The following KDM4B variants were observed in gnomAD, a reference collection of about 807,000 sequenced individuals.
KDM4B encodes lysine-specific demethylase 4B.
In KDM4B, 32 loss-of-function variants were observed where a neutral mutation model predicts 125.2. The ratio of observed to expected loss-of-function variants is 0.26; its 90% CI spans 0.19 to 0.34. The LOEUF (loss-of-function observed/expected upper bound fraction) is 0.34, where lower values mean the gene tolerates loss of function less well. KDM4B is among the 10% of genes least tolerant of loss of function. The probability of loss-of-function intolerance (pLI) is 1.00; values close to 1 mark genes in which losing one functional copy is unlikely to be tolerated. For missense variants in KDM4B, 1,190 were observed against 1,577.7 expected (o/e 0.75, Z 4.16); for synonymous variants, 721 against 677.9 (o/e 1.06, Z -0.99).
chr19:5,127,170 C>G (rs1039345349), intron 11 of KDM4B, among the ~76,000 whole-genome samples: 1 of 152,174 alleles, frequency 6.6e-6, no homozygotes. Context: ...CATCCTGGGC[C>G]CCATCTGTAC....
chr19:5,148,933 C>T (rs2039898005), intron 21 of KDM4B, among the ~76,000 whole-genome samples: 1 of 152,230 alleles, frequency 6.6e-6, no homozygotes, highest in Non-Finnish European at 1.5e-5. Context: ...CTCCACACAT[C>T]CCCGAGAGAT....
In KDM4B at chr19:5,137,824, G is replaced by A. The variant is rs1475572760; in HGVS notation, c.2442-138G>A. The A allele has an allele frequency of 9.6e-6, 10 of 1,044,448 alleles. No homozygotes were observed. The East Asian group carries it at 2.3e-4, about 24-fold the overall frequency. The allele number at this position is 1,044,448 out of a possible 1,614,324, so 64.7% of individuals were successfully genotyped here. On this transcript the variant is annotated intron_variant, in intron 17 of 22. Coordinates refer to ENST00000159111, the MANE Select transcript of KDM4B (RefSeq NM_015015.3). The stretch of plus-strand genomic sequence containing the variant: ...CATGGATGGGGTGGCCAGGGCTGAG[G>A]AGGAGCATACGCCTGCACCGACCTT...
At position 5,151,621 on chromosome 19, in the gene KDM4B, A is replaced by T; in HGVS notation, c.*110A>T. The T allele has an allele frequency of 9.8e-7, 1 of 1,023,214 alleles. No homozygotes were observed. The highest frequency in any genetic ancestry group is 1.3e-6 in the Non-Finnish European group (1 of 791,366). 63.4% of individuals were successfully genotyped at this position (1,023,214 alleles called of 1,614,324 possible). On this transcript the variant is annotated 3_prime_UTR_variant, in exon 23 of 23. Transcript: ENST00000159111. ...TCGTGTCCCCGACCCCCGAGAGGCC[A>T]CCTCCAAGCCGCGGGTGCCCCCTAG... is the stretch of plus-strand genomic sequence containing the variant.
chr19:5,013,038 A>C (rs1480815657), intron 1 of KDM4B, among the ~76,000 whole-genome samples: 1 of 152,108 alleles, frequency 6.6e-6, no homozygotes, highest in Non-Finnish European at 1.5e-5. Context: ...TGCCTTGAGA[A>C]CTGGGGCCCG....
intron 10 of KDM4B, chr19:5,119,202 CA>C: frequency 2.0e-6 from 3 of 1,533,874 alleles, no homozygotes; most frequent in Non-Finnish European, 2.6e-6. Flanking sequence ...AAGAGCAGAC[CA>C]AAAGGCCGGG....
intron 9 of KDM4B, among the ~76,000 whole-genome samples, chr19:5,083,583 C>T (rs566517377): frequency 6.6e-6 from 1 of 152,320 alleles, no homozygotes; most frequent in Admixed American, 6.5e-5. Flanking sequence ...CTGAGCTGTC[C>T]CGGCAGGCCA....
At chr19:5,061,920 G>A (rs1401796191) in intron 6 of KDM4B, among the ~76,000 whole-genome samples, 1 of 152,132 alleles carries the variant, frequency 6.6e-6, no homozygotes, top group Non-Finnish European at 1.5e-5. Flanking sequence ...TATTGGAGGA[G>A]TTCTGTCATT....
In KDM4B at chr19:5,082,599, G is replaced by C. The variant is rs1267947337; in HGVS notation, c.918+95G>C. 2 of 1,377,608 alleles carry C rather than the reference G, an allele frequency of 1.5e-6. No individual in the cohort carries two copies. The highest frequency in any genetic ancestry group is 2.9e-5 in the African/African-American group (2 of 68,422). 85.3% of individuals were successfully genotyped at this position (1,377,608 alleles called of 1,614,324 possible). ...CACGCCCATAGCTGGTCCAGCAGCC[G>C]TTTCGCTCAGCCCAGGGCCTGGGCT... On this transcript the variant is annotated intron_variant, in intron 9 of 22. Transcript: ENST00000159111. This position sits in a 1 kb window ranked among gnomAD's most constrained non-coding sequence, Gnocchi z 5.4.
At chr19:4,975,612 A>G (rs1331238720) in intron 1 of KDM4B, among the ~76,000 whole-genome samples, 2 of 96,302 alleles carry the variant, frequency 2.1e-5, no homozygotes, top group Admixed American at 1.9e-4. Context: ...TTTTTTTTTG[A>G]GACAGAGTTT....
At chr19:5,021,636 GTTTTT>G (rs397859195) in intron 2 of KDM4B, among the ~76,000 whole-genome samples, 2 of 126,278 alleles carry the variant, frequency 1.6e-5, no homozygotes. Context: ...CCTGGCACAG[GTTTTT>G]TTTTTTTTTT....
chr19:5,040,562 C>A (rs887210019), intron 4 of KDM4B, among the ~76,000 whole-genome samples: 2 of 152,194 alleles, frequency 1.3e-5, no homozygotes, highest in African/African-American at 4.8e-5. Context: ...TACCCAGGTA[C>A]ACATGGCACC....
At chr19:5,139,483 T>C (rs1356909596) in intron 18 of KDM4B, among the ~76,000 whole-genome samples, 2 of 152,266 alleles carry the variant, frequency 1.3e-5, no homozygotes, top group South Asian at 2.1e-4. Context: ...GGCAGCTCTG[T>C]TTTTAGCACT....
intron 11 of KDM4B, among the ~76,000 whole-genome samples, chr19:5,120,877 G>C (rs1280762647): frequency 6.6e-6 from 1 of 152,160 alleles, no homozygotes; most frequent in Non-Finnish European, 1.5e-5. Flanking sequence ...CTGAGGCCCA[G>C]GTCATGGGGG....
At chr19:5,046,711 A>G (rs1261520393) in intron 5 of KDM4B, among the ~76,000 whole-genome samples, 1 of 152,202 alleles carries the variant, frequency 6.6e-6, no homozygotes, top group Non-Finnish European at 1.5e-5. Context: ...TAGTTCTGAA[A>G]ACTGTCTTCG....
At chr19:5,127,688 C>T (rs2039472191) in intron 11 of KDM4B, among the ~76,000 whole-genome samples, 1 of 152,152 alleles carries the variant, frequency 6.6e-6, no homozygotes, top group African/African-American at 2.4e-5. Context: ...TGTGGGGAAG[C>T]GGGACTTGGG....
rs1016032505 is a variant in KDM4B, at chr19:4,971,997, C to T, written c.-109+2767C>T. ...TGCACTGGTCACCGCCATGACAGAT[C>T]GGCCGTCCTCATCCACAGCCTCACC... On this transcript the variant is annotated intron_variant, in intron 1 of 22. Transcript: ENST00000159111. The surrounding 1 kb of genome is among the most constrained non-coding windows in gnomAD (Gnocchi z 4.1). Among the ~76,000 whole-genome samples, 5 of 152,182 alleles carry T rather than the reference C, an allele frequency of 3.3e-5. No homozygotes were observed. The highest frequency in any genetic ancestry group is 3.9e-4 in the East Asian group (2 of 5,186).
intron 1 of KDM4B, among the ~76,000 whole-genome samples, chr19:4,995,118 C>G (rs1179741156): frequency 6.6e-6 from 1 of 152,186 alleles, no homozygotes; most frequent in Admixed American, 6.5e-5. Context: ...CTCTTAGGAC[C>G]TGTGATCATC....
At position 4,970,447 on chromosome 19, in the gene KDM4B, C is replaced by T. The variant is rs73536536; in HGVS notation, c.-109+1217C>T. ...GTGTATTCAGCAAGTTCCTTTGGGTCCCACCGGGTGCCTGCACTGTCTTGG... is the reference window on the plus strand; with the variant it reads ...GTGTATTCAGCAAGTTCCTTTGGGTTCCACCGGGTGCCTGCACTGTCTTGG... On this transcript the variant is annotated intron_variant, in intron 1 of 22. Coordinates refer to ENST00000159111, the MANE Select transcript of KDM4B (RefSeq NM_015015.3). 3.2e-3 allele frequency among the ~76,000 whole-genome samples: 493 copies of T among 151,972 alleles called. 3 individuals carry two copies. Among genetic ancestry groups the T allele is most frequent in the African/African-American group, 0.011 (466 of 41,436 alleles).
intron 9 of KDM4B, among the ~76,000 whole-genome samples, chr19:5,107,945 C>T (rs537339765): frequency 7.7e-4 from 118 of 152,362 alleles, no homozygotes; most frequent in Non-Finnish European, 1.4e-3. Flanking sequence ...CACGTGGAGA[C>T]TTGCAGGAAT....
Sources: allele counts gnomAD v4.1 joint callset (sites outside exome capture counted in the v4.1 genomes callset), GRCh38; gene constraint gnomAD v4.1.1; non-coding constraint Gnocchi (gnomAD v3.1); transcripts MANE v1.5; gene names NCBI Gene and HGNC (gene_info 2026-07-23, HGNC 2026-07-21).